SPOCK2: variants seen among roughly 807,000 people sequenced by gnomAD.
SPOCK2 encodes testican-2.
In SPOCK2, 39 loss-of-function variants were observed where a neutral mutation model predicts 60.1. The observed-to-expected ratio is 0.65, with a 90% CI of 0.50 to 0.85. SPOCK2 has a LOEUF of 0.85. Among genes scored for constraint, SPOCK2 ranks in the 40% least tolerant of loss-of-function variants. SPOCK2 has a pLI of 0.00. For missense variants in SPOCK2, 523 were observed against 567.4 expected (o/e 0.92, Z 0.80); for synonymous variants, 217 against 231.5 (o/e 0.94, Z 0.57).
chr10:72,088,105 C>T, intron 1 of SPOCK2, 35 bp downstream of exon 1: 1 of 1,606,560 alleles, frequency 6.2e-7, no homozygotes, highest in Non-Finnish European at 8.5e-7. Context: ...AACCCGCAAC[C>T]CCGGGTCTCT....
intron 1 of SPOCK2, among the ~76,000 whole-genome samples, chr10:72,085,220 G>GGCCT (rs1298248920): frequency 1.3e-5 from 2 of 152,186 alleles, no homozygotes; most frequent in Non-Finnish European, 2.9e-5. Flanking sequence ...GACTGCCCAG[G>GGCCT]GCAGGGTACA....
At chr10:72,068,369 C>A in intron 5 of SPOCK2, 68 bp from the exon 6 acceptor site, 1 of 1,459,526 alleles carries the variant, frequency 6.9e-7, no homozygotes, top group South Asian at 1.4e-5. Context: ...GCTGGGGACA[C>A]CCTCAAGCCT....
At chr10:72,074,632 A>G (rs1840691032) in intron 1 of SPOCK2, among the ~76,000 whole-genome samples, 1 of 152,220 alleles carries the variant, frequency 6.6e-6, no homozygotes. Flanking sequence ...AGCAGCCTCC[A>G]GTTTCACACT....
At chr10:72,078,026 A>G (rs1170469390) in intron 1 of SPOCK2, among the ~76,000 whole-genome samples, 2 of 152,176 alleles carry the variant, frequency 1.3e-5, no homozygotes, top group Admixed American at 1.3e-4. Flanking sequence ...ATACAGTTTG[A>G]TCTCATTTTG....
chr10:72,063,455 T>G (rs1450832116), intron 9 of SPOCK2, among the ~76,000 whole-genome samples: 5 of 152,328 alleles, frequency 3.3e-5, no homozygotes, highest in East Asian at 3.9e-4. Context: ...GCCCAAGTCT[T>G]CTAGGACAGC....
rs759836753 is a variant in SPOCK2 at position 72,063,020 on chromosome 10, C to A, written c.1129+5G>T. The A allele has an allele frequency of 6.4e-7, 1 of 1,560,306 alleles. No homozygotes were observed. Reference sequence around the variant, plus strand: ...CCAGCAGGCCCTGAGCTGCCCAGCCCGTACCGCAGTCGGGGCTCCCATGCG... The same window carrying A: ...CCAGCAGGCCCTGAGCTGCCCAGCCAGTACCGCAGTCGGGGCTCCCATGCG... On this transcript the variant is annotated splice_donor_5th_base_variant and intron_variant, in intron 10 of 10. Transcript: ENST00000373109.
At chr10:72,081,351 C>G (rs186167158) in intron 1 of SPOCK2, among the ~76,000 whole-genome samples, 2 of 152,214 alleles carry the variant, frequency 1.3e-5, no homozygotes, top group Non-Finnish European at 2.9e-5. Context: ...AGGGAAGGAG[C>G]GAGCTGTTTG....
chr10:72,071,926 C>A (rs1219799183), intron 4 of SPOCK2, among the ~76,000 whole-genome samples: 1 of 152,138 alleles, frequency 6.6e-6, no homozygotes, highest in African/African-American at 2.4e-5. Context: ...TTGACTATAA[C>A]CTCAAGACAG....
rs1366192045 is a variant in SPOCK2, at chr10:72,064,982, AG to A, written c.929-743del. ...CCTGACCTCATAATCTGCCCGCCTC[AG>A]CCCCGCAAAGTGCTGGGATTACAGG... On this transcript the variant is annotated intron_variant, in intron 8 of 10. Coordinates refer to ENST00000373109, the MANE Select transcript of SPOCK2 (RefSeq NM_001244950.2). Among the ~76,000 whole-genome samples, 4 of 127,014 alleles carry A rather than the reference AG, an allele frequency of 3.1e-5. 2 individuals are homozygous for A. Among genetic ancestry groups the A allele is most frequent in the Admixed American group, 1.6e-4 (2 of 12,512 alleles). 83.3% of individuals were successfully genotyped at this position (127,014 alleles called of 152,430 possible). A position where few individuals can be genotyped will look rare whatever the true frequency, so the allele number is the denominator to read the frequency against.
chr10:72,063,301 A>G (rs1307512996), intron 9 of SPOCK2, 139 bp from the exon 10 acceptor site: 6 of 1,229,452 alleles, frequency 4.9e-6, no homozygotes, highest in Admixed American at 2.6e-5. Flanking sequence ...TGACCCCCCA[A>G]CAGGCCCAGA....
intron 1 of SPOCK2, among the ~76,000 whole-genome samples, chr10:72,075,185 G>A (rs541089283): frequency 6.6e-6 from 1 of 152,278 alleles, no homozygotes; most frequent in Admixed American, 6.5e-5. Flanking sequence ...CAAGAGAGGT[G>A]CAGCTGCTGA....
chr10:72,068,321 G>T lies in SPOCK2; in HGVS notation c.475-20C>A, dbSNP rs779149485. ...CTTACACTGCACATGGGGAAAGGTG[G>T]AACAGGGGACTGAGGGCTTACCCCA... On this transcript the variant is annotated intron_variant, in intron 5 of 10. Transcript: ENST00000373109. 6.3e-7 allele frequency: 1 copy of T among 1,591,370 alleles called. No individual in the cohort carries two copies. Among genetic ancestry groups the T allele is most frequent in the East Asian group, 2.3e-5 (1 of 44,172 alleles).
intron 3 of SPOCK2, 78 bp downstream of exon 3, chr10:72,072,425 G>A (rs1035840724): frequency 1.3e-5 from 21 of 1,597,604 alleles, no homozygotes; most frequent in Non-Finnish European, 1.7e-6. Context: ...GAGCCCCCAA[G>A]CGGGCTAAGG....
chr10:72,074,763 G>T (rs907533087), intron 1 of SPOCK2, among the ~76,000 whole-genome samples: 1 of 152,164 alleles, frequency 6.6e-6, no homozygotes, highest in Non-Finnish European at 1.5e-5. Flanking sequence ...AGCCCACGGC[G>T]GCTCTCTCCC....
intron 1 of SPOCK2, among the ~76,000 whole-genome samples, chr10:72,077,741 G>T (rs972371346): frequency 2.6e-5 from 4 of 152,168 alleles, no homozygotes; most frequent in African/African-American, 9.7e-5. Context: ...GGCCCTGGGA[G>T]AACCCAGGCT....
chr10:72,081,817 A>T (rs1315027774), intron 1 of SPOCK2, among the ~76,000 whole-genome samples: 1 of 152,184 alleles, frequency 6.6e-6, no homozygotes, highest in Non-Finnish European at 1.5e-5. Flanking sequence ...CCACACAATC[A>T]GACCAGCGCC....
At position 72,062,448 on chromosome 10, in the gene SPOCK2, G is replaced by C; in HGVS notation, c.*312C>G. 2.5e-6 allele frequency: 1 copy of C among 399,094 alleles called. No homozygotes were observed. The highest frequency in any genetic ancestry group is 6.0e-5 in the South Asian group (1 of 16,678). 24.7% of individuals were successfully genotyped at this position (399,094 alleles called of 1,614,324 possible). A position where few individuals can be genotyped will look rare whatever the true frequency, so the allele number is the denominator to read the frequency against. ...TTTTAAAACCAACAACAAAAGGAAA[G>C]AAAACAGCTACAAGGAGGCCGAAGG... On this transcript the variant is annotated 3_prime_UTR_variant, in exon 11 of 11. Transcript: ENST00000373109. The surrounding 1 kb of genome is among the most constrained non-coding windows in gnomAD (Gnocchi z 4.3).
At chr10:72,082,054 G>A (rs1266207714) in intron 1 of SPOCK2, among the ~76,000 whole-genome samples, 1 of 152,226 alleles carries the variant, frequency 6.6e-6, no homozygotes, top group Admixed American at 6.5e-5. Context: ...GATCACGATG[G>A]GAGGAATGTG....
chr10:72,084,008 T>G (rs930162039), intron 1 of SPOCK2, among the ~76,000 whole-genome samples: 1 of 152,104 alleles, frequency 6.6e-6, no homozygotes, highest in African/African-American at 2.4e-5. Context: ...TACTTGCTAC[T>G]TGCCTTCTTG....
Sources: gnomAD v4.1 joint callset for allele counts (sites outside exome capture counted in the v4.1 genomes callset) on GRCh38, gnomAD v4.1.1 for gene constraint, Gnocchi (gnomAD v3.1) non-coding constraint, MANE v1.5 for transcripts, NCBI Gene and HGNC (gene_info 2026-07-23, HGNC 2026-07-21) for gene names.